ABCA13: variants seen among roughly 807,000 people sequenced by gnomAD.
ABCA13 encodes the protein ATP binding cassette subfamily A member 13.
ABCA13 carries 476 observed loss-of-function variants against 478.7 expected under a neutral mutation model. The observed-to-expected ratio is 0.99, with a 90% CI of 0.92 to 1.07. The LOEUF is 1.07. ABCA13 is among the 50% of genes least tolerant of loss of function. ABCA13 has a pLI of 0.00. For synonymous variants in ABCA13, 2,252 were observed against 2,158.9 expected (o/e 1.04, Z -1.20); for missense variants, 6,060 against 5,910.6 (o/e 1.03, Z -0.83).
chr7:48,253,169 G>A (rs542229888), intron 15 of ABCA13, among the ~76,000 whole-genome samples: 25 of 152,196 alleles, frequency 1.6e-4, no homozygotes, highest in Middle Eastern at 6.8e-3. Context: ...ACTCCTAGCC[G>A]CCTGCAGGTC....
intron 29 of ABCA13, among the ~76,000 whole-genome samples, chr7:48,347,082 ATAAG>A (rs1808232606): frequency 6.6e-6 from 1 of 152,170 alleles, no homozygotes; most frequent in Non-Finnish European, 1.5e-5. Flanking sequence ...TGCATACCCC[ATAAG>A]TACCAGTCAT....
intron 55 of ABCA13, among the ~76,000 whole-genome samples, chr7:48,533,904 T>C (rs2131073153): frequency 6.6e-6 from 1 of 152,224 alleles, no homozygotes; most frequent in African/African-American, 2.4e-5. Flanking sequence ...GTTAGATGAG[T>C]CTCCTGAAGA....
At chr7:48,569,474 A>C (rs67040412) in intron 55 of ABCA13, among the ~76,000 whole-genome samples, 21,055 of 152,180 alleles carry the variant, frequency 0.14, 1,829 homozygotes, top group Admixed American at 0.22. Flanking sequence ...GTCAAAGAAC[A>C]TACTTTGTAT....
intron 28 of ABCA13, among the ~76,000 whole-genome samples, chr7:48,337,154 A>G (rs1806393875): frequency 6.6e-6 from 1 of 152,116 alleles, no homozygotes; most frequent in Non-Finnish European, 1.5e-5. Context: ...TGCTCAAGGG[A>G]ACTCGCAGTA....
At chr7:48,245,836 T>A (rs1318947391) in intron 12 of ABCA13, 27 bp from the exon 13 acceptor site, 3 of 1,592,304 alleles carry the variant, frequency 1.9e-6, no homozygotes, top group Non-Finnish European at 2.6e-6. Flanking sequence ...TAAATGTTAC[T>A]CCTTCCCACT....
At chr7:48,591,375 T>C (rs558889321) in intron 57 of ABCA13, among the ~76,000 whole-genome samples, 92 of 152,144 alleles carry the variant, frequency 6.0e-4, no homozygotes, top group African/African-American at 2.0e-3. Flanking sequence ...TAAATTATAA[T>C]AGCATAGTAG....
At position 48,520,046 on chromosome 7, in the gene ABCA13, AC is replaced by A; in HGVS notation, c.13804del (p.Gln4602ArgfsTer24). 4 of 1,607,578 alleles carry A rather than the reference AC, an allele frequency of 2.5e-6. No homozygotes were observed. Among genetic ancestry groups the A allele is most frequent in the Non-Finnish European group, 3.4e-6 (4 of 1,176,016 alleles). ...TTCTTTTTTTCACTGTGCAGAATTT[AC>A]AGAATATCTATGATGTCCTCAAGTG... ...LAIISKAKNL[Q>X]NIYDVLKWVF... On this transcript the variant is annotated frameshift_variant, in exon 53 of 62. Coordinates refer to ENST00000435803, the MANE Select transcript of ABCA13 (RefSeq NM_152701.5). LOFTEE classifies it high-confidence loss of function.
In ABCA13 at chr7:48,278,702, T is replaced by C; in HGVS notation, c.7508T>C (p.Val2503Ala). ...KPLLEMSGTL[V>A]MLLNDSADLR... ...CTCTTAGAAATGTCTGGGACTCTGGTCATGCTGTTGAATGACAGTGCTGAC... is the reference window on the plus strand; with the variant it reads ...CTCTTAGAAATGTCTGGGACTCTGGCCATGCTGTTGAATGACAGTGCTGAC... Residue 2503 changes from valine (V) to alanine (A), a missense_variant, in exon 18 of 62, where the codon GTC becomes GCC. Physicochemically the swap from Val to Ala is moderately conservative, Grantham distance 64. This residue lies in a region of ABCA13 where 4,423 missense variants were observed against 4,309.1 expected (regional missense o/e 1.03). Transcript: ENST00000435803. 6.2e-7 allele frequency: 1 copy of C among 1,613,932 alleles called. No individual in the cohort carries two copies. Among genetic ancestry groups the C allele is most frequent in the African/African-American group, 1.3e-5 (1 of 75,050 alleles).
chr7:48,607,259 A>G (rs1215005658), intron 58 of ABCA13, among the ~76,000 whole-genome samples: 1 of 152,188 alleles, frequency 6.6e-6, no homozygotes, highest in Non-Finnish European at 1.5e-5. Flanking sequence ...CGTTCCTACC[A>G]GTACGGTCTC....
intron 20 of ABCA13, among the ~76,000 whole-genome samples, chr7:48,293,979 C>T (rs148108981): frequency 5.3e-5 from 8 of 152,216 alleles, no homozygotes; most frequent in Admixed American, 1.3e-4. Context: ...CGGCAAATCC[C>T]GGTTTTATCC....
At chr7:48,270,934 A>T (rs1449495943) in intron 16 of ABCA13, among the ~76,000 whole-genome samples, 1 of 152,222 alleles carries the variant, frequency 6.6e-6, no homozygotes, top group Admixed American at 6.5e-5. Flanking sequence ...GCAAAGATTT[A>T]TCATGAACTG....
chr7:48,494,730 AG>A (rs1830128436), intron 48 of ABCA13, among the ~76,000 whole-genome samples: 1 of 152,138 alleles, frequency 6.6e-6, no homozygotes, highest in Non-Finnish European at 1.5e-5. Context: ...TATGAAAGAG[AG>A]GATAAAAGAT....
chr7:48,593,489 A>G (rs1789975046), intron 57 of ABCA13, among the ~76,000 whole-genome samples: 2 of 151,914 alleles, frequency 1.3e-5, no homozygotes, highest in South Asian at 2.1e-4. Context: ...TTATAGCTAT[A>G]GTTATTTTTA....
chr7:48,392,100 C>T lies in ABCA13; in HGVS notation c.11834C>T (p.Pro3945Leu), dbSNP rs1478618671. Residue 3945 changes from proline (P) to leucine (L), a missense_variant, in exon 38 of 62, where the codon CCT (proline) becomes CTT (leucine). Pro to Leu is a moderately conservative substitution (Grantham distance 98, BLOSUM62 -3). Transcript: ENST00000435803. ...HLLLFASIKA[P>L]QWTKKELHQQ... ...CTGCTCTTTGCTTCCATAAAGGCGC[C>T]TCAGTGGACCAAGAAGGAGCTGCAT... is the stretch of plus-strand genomic sequence containing the variant. 1.2e-6 allele frequency: 2 copies of T among 1,613,956 alleles called. No homozygotes were observed. Among genetic ancestry groups the T allele is most frequent in the Non-Finnish European group, 8.5e-7 (1 of 1,179,882 alleles).
intron 45 of ABCA13, among the ~76,000 whole-genome samples, chr7:48,474,622 A>T (rs1827877790): frequency 6.6e-6 from 1 of 152,184 alleles, no homozygotes; most frequent in South Asian, 2.1e-4. Context: ...TGGAGGAGGA[A>T]CAAGACAAGG....
At chr7:48,174,547 C>G (rs1345901029) in intron 1 of ABCA13, among the ~76,000 whole-genome samples, 1 of 152,042 alleles carries the variant, frequency 6.6e-6, no homozygotes, top group Non-Finnish European at 1.5e-5. Context: ...ATACCTAACT[C>G]TATAGATTGT....
At chr7:48,443,110 G>A (rs1459080228) in intron 42 of ABCA13, among the ~76,000 whole-genome samples, 2 of 152,178 alleles carry the variant, frequency 1.3e-5, no homozygotes, top group Admixed American at 6.5e-5. Flanking sequence ...GAAGAAAGCC[G>A]TCGGCAAACC....
intron 23 of ABCA13, among the ~76,000 whole-genome samples, chr7:48,307,937 G>A (rs112163701): frequency 1.4e-4 from 22 of 152,234 alleles, no homozygotes; most frequent in African/African-American, 5.1e-4. Context: ...GCCTGCCTTA[G>A]CCTCCCAAAG....
intron 47 of ABCA13, among the ~76,000 whole-genome samples, chr7:48,486,872 T>G (rs1037516560): frequency 7.9e-5 from 12 of 152,152 alleles, no homozygotes; most frequent in African/African-American, 2.9e-4. Flanking sequence ...GGAACATACA[T>G]GTGCCTCTCA....
Sources: gnomAD v4.1 joint callset for allele counts (sites outside exome capture counted in the v4.1 genomes callset) on GRCh38, gnomAD v4.1.1 for gene constraint, gnomAD v4.1.1 regional missense constraint, MANE v1.5 for transcripts, NCBI Gene and HGNC (gene_info 2026-07-23, HGNC 2026-07-21) for gene names.